YBEY: variants seen among roughly 807,000 people sequenced by gnomAD.
YBEY encodes the protein endoribonuclease YbeY.
A neutral mutation model predicts 13.5 loss-of-function variants in YBEY; 15 were observed. That is an observed-to-expected ratio of 1.11 (90% CI 0.75 to 1.72). The LOEUF is 1.72. YBEY is among the 40% of genes most tolerant of loss of function. YBEY has a pLI of 0.00. For synonymous variants in YBEY, 101 were observed against 83.1 expected (o/e 1.21, Z -1.17); for missense variants, 244 against 208.4 (o/e 1.17, Z -1.05).
chr21:46,302,079 G>A (rs1344907567), downstream of YBEY: 1 of 1,535,184 alleles, frequency 6.5e-7, no homozygotes, highest in Non-Finnish European at 8.8e-7. Context: ...GCATGGTGGT[G>A]GTGGTGGTGG....
the YBEY span, among the ~76,000 whole-genome samples, chr21:46,303,743 A>AT: frequency 5.1e-5 from 1 of 19,598 alleles, no homozygotes; most frequent in African/African-American, 2.0e-4. Context: ...ATATATATAT[A>AT]TATTTTTTTT....
the YBEY span, among the ~76,000 whole-genome samples, chr21:46,302,986 GC>G: frequency 6.6e-6 from 1 of 151,456 alleles, no homozygotes; most frequent in Non-Finnish European, 1.5e-5. Context: ...CCCGGGGCGC[GC>G]CCTGAGTCTC....
At position 46,294,554 on chromosome 21, in the gene YBEY, A is replaced by G. The variant is rs71326308; in HGVS notation, c.340-1608A>G. ...CCCGGGACTCAGTGGAGTCAGCCACACAAGTTAAACTCTAGATTAAATTCC... is the reference window on the plus strand; with the variant it reads ...CCCGGGACTCAGTGGAGTCAGCCACGCAAGTTAAACTCTAGATTAAATTCC... On this transcript the variant is annotated intron_variant, in intron 3 of 4. Transcript: ENST00000397701. Among the ~76,000 whole-genome samples the G allele has an allele frequency of 5.2e-3, 162 of 31,334 alleles. 1 individual carries two copies. Among genetic ancestry groups the G allele is most frequent in the East Asian group, 0.012 (22 of 1,876 alleles). The allele number at this position is 31,334 out of a possible 152,430, so 20.6% of individuals were successfully genotyped here. A position where few individuals can be genotyped will look rare whatever the true frequency, so the allele number is the denominator to read the frequency against.
downstream of YBEY, chr21:46,301,458 A>G: frequency 2.1e-6 from 2 of 951,168 alleles, no homozygotes; most frequent in Non-Finnish European, 2.4e-6. Flanking sequence ...CTTTAGTGGG[A>G]GTCTGTGCCA....
At chr21:46,297,497 A>T in intron 4 of YBEY, 42 bp from the exon 5 acceptor site, 1 of 1,338,526 alleles carries the variant, frequency 7.5e-7, no homozygotes, top group Non-Finnish European at 9.7e-7. Context: ...TGGGGCGCGG[A>T]CACCTTCCCT....
downstream of YBEY, among the ~76,000 whole-genome samples, chr21:46,298,004 G>A (rs2082006859): frequency 6.6e-6 from 1 of 152,180 alleles, no homozygotes; most frequent in South Asian, 2.1e-4. Flanking sequence ...TACCTCCTGA[G>A]TATTGGAATA....
chr21:46,300,669 T>C (rs1337799627), downstream of YBEY: 15 of 1,273,352 alleles, frequency 1.2e-5, no homozygotes, highest in African/African-American at 1.5e-5. Context: ...TGGCTGTCCC[T>C]GGGGAGCTCT....
chr21:46,297,283 A>G (rs1477252468), intron 4 of YBEY, among the ~76,000 whole-genome samples: 1 of 21,990 alleles, frequency 4.5e-5, no homozygotes, highest in Non-Finnish European at 9.5e-5. Flanking sequence ...CCCACCTCCC[A>G]TGCCCCCCTT....
intron 2 of YBEY, among the ~76,000 whole-genome samples, chr21:46,290,029 T>TTGTGTGTG (rs2081635920): frequency 2.4e-5 from 1 of 41,652 alleles, no homozygotes; most frequent in African/African-American, 8.8e-5. Context: ...GGTTGCAGTT[T>TTGTGTGTG]TGTATGTGTG....
In YBEY at chr21:46,296,200, C is replaced by G; in HGVS notation, c.378C>G (p.Phe126Leu). ...ATHGLCHLLG[F>L]THGTEAEWQQ... ...ACGGACTCTGTCACTTGCTGGGATT[C>G]ACACACGGCACGGAGGCAGAGTGGC... The change falls in exon 4 of 5, where the codon TTC (phenylalanine) becomes TTG (leucine). Residue 126 changes from phenylalanine (F) to leucine (L), a missense_variant. Transcript: ENST00000397701. The G allele has an allele frequency of 6.2e-7, 1 of 1,613,856 alleles. No homozygotes were observed. Among genetic ancestry groups the G allele is most frequent in the Non-Finnish European group, 8.5e-7 (1 of 1,180,014 alleles).
chr21:46,287,575 T>A (rs913990907), intron 2 of YBEY, among the ~76,000 whole-genome samples: 6 of 152,164 alleles, frequency 3.9e-5, no homozygotes, highest in African/African-American at 1.2e-4. Context: ...AGACATGATT[T>A]TTAATTTTAA....
At chr21:46,312,063 C>A in the YBEY span, among the ~76,000 whole-genome samples, 1 of 150,530 alleles carries the variant, frequency 6.6e-6, no homozygotes, top group Non-Finnish European at 1.5e-5. Flanking sequence ...AACCAACCAC[C>A]CACCCATCCA....
the YBEY span, among the ~76,000 whole-genome samples, chr21:46,312,083 C>A: frequency 6.6e-6 from 1 of 152,026 alleles, no homozygotes; most frequent in Non-Finnish European, 1.5e-5. Flanking sequence ...ATCCACCCAC[C>A]CATCCATCCA....
At chr21:46,290,089 T>C (rs2081638758) in intron 2 of YBEY, among the ~76,000 whole-genome samples, 1 of 151,312 alleles carries the variant, frequency 6.6e-6, no homozygotes, top group Admixed American at 6.6e-5. Flanking sequence ...TAGTGACAGT[T>C]TTTGTTATCA....
At chr21:46,302,713 T>C, downstream of YBEY, 2 of 695,858 alleles carry the variant, frequency 2.9e-6, no homozygotes, top group Non-Finnish European at 5.0e-6. Context: ...TGAGTCCGTC[T>C]GCACACGGTG....
At chr21:46,311,544 G>A in the YBEY span, 2 of 1,611,278 alleles carry the variant, frequency 1.2e-6, no homozygotes, top group Non-Finnish European at 1.7e-6. Context: ...GCTGCTGAAT[G>A]ATGGTGGCAG....
At chr21:46,298,529 A>C (rs1029452896), downstream of YBEY, among the ~76,000 whole-genome samples, 1 of 146,482 alleles carries the variant, frequency 6.8e-6, no homozygotes. Flanking sequence ...GCCGGGGTTC[A>C]CGCCATTCTC....
At chr21:46,296,276 G>C (rs1387725416) in intron 4 of YBEY, 46 bp downstream of exon 4, 1 of 1,606,356 alleles carries the variant, frequency 6.2e-7, no homozygotes, top group African/African-American at 1.3e-5. Context: ...CGTGGGGGAA[G>C]GAGGCTCCCC....
the YBEY span, among the ~76,000 whole-genome samples, chr21:46,304,868 T>C: frequency 6.6e-6 from 1 of 152,234 alleles, no homozygotes; most frequent in Non-Finnish European, 1.5e-5. Flanking sequence ...GGTCTATCCA[T>C]ACAATGGACT....
Sources: gnomAD v4.1 joint callset for allele counts (sites outside exome capture counted in the v4.1 genomes callset) on GRCh38, gnomAD v4.1.1 for gene constraint, MANE v1.5 for transcripts, NCBI Gene and HGNC (gene_info 2026-07-23, HGNC 2026-07-21) for gene names.